TMEM117: variants seen among roughly 807,000 people sequenced by gnomAD.
The protein encoded by TMEM117 is transmembrane protein 117.
In TMEM117, 27 loss-of-function variants were observed where a neutral mutation model predicts 52.4. The observed-to-expected ratio is 0.51, with a 90% CI of 0.38 to 0.71. The LOEUF is 0.71. TMEM117 is among the 30% of genes least tolerant of loss of function. TMEM117 has a pLI of 0.00. For synonymous variants in TMEM117, 215 were observed against 206.3 expected, an observed-to-expected ratio of 1.04 and a Z score of -0.36; for missense variants, 556 against 630.5, an observed-to-expected ratio of 0.88 and a Z score of 1.26.
intron 5 of TMEM117, among the ~76,000 whole-genome samples, chr12:44,288,140 G>T (rs539911434): frequency 6.6e-6 from 1 of 151,722 alleles, no homozygotes; most frequent in East Asian, 1.9e-4. Flanking sequence ...AAGTGGCTCA[G>T]AAAAACAAAT....
chr12:44,353,381 T>G (rs913182841), intron 6 of TMEM117, among the ~76,000 whole-genome samples: 1 of 152,184 alleles, frequency 6.6e-6, no homozygotes, highest in African/African-American at 2.4e-5. Flanking sequence ...CATGCCTATG[T>G]CCTGAATGGT....
rs149932699 is a variant in TMEM117, at chr12:44,337,216, G to C, written c.768+37477G>C. Among the ~76,000 whole-genome samples, 170 of 152,128 alleles carry C rather than the reference G, an allele frequency of 1.1e-3. 1 individual carries two copies. Among genetic ancestry groups the C allele is most frequent in the Admixed American group, 2.1e-3 (32 of 15,246 alleles). ...ACAGTCTTGGTATCCAGTGAGGGCT[G>C]CTCTCTGCTTCCAAGATGGCATGTT... On this transcript the variant is annotated intron_variant, in intron 6 of 7. Coordinates refer to ENST00000266534, the MANE Select transcript of TMEM117 (RefSeq NM_032256.3).
At chr12:44,223,203 C>T (rs1243057607) in intron 5 of TMEM117, among the ~76,000 whole-genome samples, 1 of 151,972 alleles carries the variant, frequency 6.6e-6, no homozygotes. Flanking sequence ...CTCTTCCTAC[C>T]CTCCACCCTG....
chr12:44,309,407 C>T (rs1423503504), intron 6 of TMEM117, among the ~76,000 whole-genome samples: 1 of 152,104 alleles, frequency 6.6e-6, no homozygotes, highest in Non-Finnish European at 1.5e-5. Context: ...GTCCAAGAGG[C>T]TCAGTGTCAA....
chr12:43,820,524 C>T, the TMEM117 span, among the ~76,000 whole-genome samples: 3 of 151,762 alleles, frequency 2.0e-5, no homozygotes, highest in African/African-American at 7.3e-5. Flanking sequence ...CCGCCCACCT[C>T]AGCCTCCCAA....
intron 6 of TMEM117, among the ~76,000 whole-genome samples, chr12:44,314,658 C>T (rs1167617548): frequency 6.6e-6 from 1 of 151,550 alleles, no homozygotes; most frequent in Non-Finnish European, 1.5e-5. Context: ...CCTCCGCCTC[C>T]TGGGTTCAAG....
At chr12:43,826,237 T>G in the TMEM117 span, among the ~76,000 whole-genome samples, 27 of 152,344 alleles carry the variant, frequency 1.8e-4, no homozygotes, top group Admixed American at 2.6e-4. Flanking sequence ...AATCCAATTC[T>G]TCTGCGACAA....
At chr12:44,067,056 A>G (rs542867319) in intron 3 of TMEM117, among the ~76,000 whole-genome samples, 1 of 152,298 alleles carries the variant, frequency 6.6e-6, no homozygotes, top group Admixed American at 6.5e-5. Flanking sequence ...CCATCTCAAG[A>G]AAATACTTTC....
intron 5 of TMEM117, among the ~76,000 whole-genome samples, chr12:44,214,618 GTAGT>G (rs1263386117): frequency 6.6e-6 from 1 of 151,276 alleles, no homozygotes; most frequent in Non-Finnish European, 1.5e-5. Flanking sequence ...ACACTTTTTT[GTAGT>G]TATTCTTTCT....
intron 1 of TMEM117, among the ~76,000 whole-genome samples, chr12:43,842,425 C>T (rs1277686047): frequency 2.6e-5 from 4 of 152,106 alleles, no homozygotes; most frequent in Non-Finnish European, 5.9e-5. Context: ...AGGGCACAGT[C>T]ACTATTTGCT....
At chr12:43,821,922 G>C in the TMEM117 span, among the ~76,000 whole-genome samples, 1 of 152,222 alleles carries the variant, frequency 6.6e-6, no homozygotes, top group Non-Finnish European at 1.5e-5. Flanking sequence ...TAAGGTGTCA[G>C]CCATGATGGC....
intron 4 of TMEM117, among the ~76,000 whole-genome samples, chr12:44,175,900 A>G (rs1343669239): frequency 6.6e-6 from 1 of 152,196 alleles, no homozygotes; most frequent in African/African-American, 2.4e-5. Context: ...TTTTGTTGAT[A>G]TGTAGGAAGT....
intron 2 of TMEM117, among the ~76,000 whole-genome samples, chr12:43,898,044 GCACGCACACACA>G (rs1944239157): frequency 7.8e-6 from 1 of 127,770 alleles, no homozygotes; most frequent in South Asian, 2.3e-4. Flanking sequence ...ACACACACAC[GCACGCACACACA>G]CACACACACA....
chr12:43,990,743 G>A (rs558138968), intron 3 of TMEM117, among the ~76,000 whole-genome samples: 2 of 152,070 alleles, frequency 1.3e-5, no homozygotes, highest in African/African-American at 4.8e-5. Context: ...TTACAAATGA[G>A]GTACAGATGA....
At chr12:44,039,195 T>A (rs1946759075) in intron 3 of TMEM117, among the ~76,000 whole-genome samples, 2 of 152,214 alleles carry the variant, frequency 1.3e-5, no homozygotes, top group Non-Finnish European at 1.5e-5. Context: ...TTTAAAGCTT[T>A]ACCTAGACAC....
At chr12:44,063,804 A>T (rs1947179835) in intron 3 of TMEM117, among the ~76,000 whole-genome samples, 1 of 152,080 alleles carries the variant, frequency 6.6e-6, no homozygotes, top group South Asian at 2.1e-4. Flanking sequence ...AATTATATGC[A>T]GTTCTCTGAT....
At position 44,201,254 on chromosome 12, in the gene TMEM117, T is replaced by C. The variant is rs552508711; in HGVS notation, c.511-10036T>C. On this transcript the variant is annotated intron_variant, in intron 4 of 7. Coordinates refer to ENST00000266534, the MANE Select transcript of TMEM117 (RefSeq NM_032256.3). The stretch of plus-strand genomic sequence containing the variant: ...AGAAAGAAAATTAGATAAATAAAGG[T>C]CAAATTGAAATCTCTACAAATATTA... 1.4e-4 allele frequency among the ~76,000 whole-genome samples: 22 copies of C among 151,954 alleles called. No homozygotes were observed. The South Asian group carries it at 4.4e-3, about 30-fold the overall frequency.
intron 4 of TMEM117, among the ~76,000 whole-genome samples, chr12:44,200,461 T>C (rs1195682192): frequency 1.3e-5 from 2 of 152,212 alleles, no homozygotes; most frequent in East Asian, 1.9e-4. Context: ...TGATGGATAC[T>C]GTTAAAAAAG....
At chr12:43,995,808 TA>T (rs1946021091) in intron 3 of TMEM117, among the ~76,000 whole-genome samples, 1 of 152,196 alleles carries the variant, frequency 6.6e-6, no homozygotes, top group Non-Finnish European at 1.5e-5. Flanking sequence ...ATAACAGTAA[TA>T]TGATAAATTT....
Sources: allele counts gnomAD v4.1 joint callset (sites outside exome capture counted in the v4.1 genomes callset), GRCh38; gene constraint gnomAD v4.1.1; transcripts MANE v1.5; gene names NCBI Gene and HGNC (gene_info 2026-07-23, HGNC 2026-07-21).